The following POLE variants were observed in gnomAD, a reference collection of about 807,000 sequenced individuals.
POLE encodes the protein DNA polymerase epsilon catalytic subunit A.
In POLE, 188 loss-of-function variants were observed where a neutral mutation model predicts 279.2. The ratio of observed to expected loss-of-function variants is 0.67; its 90% confidence interval spans 0.60 to 0.76. The LOEUF is 0.76. Ranked by LOEUF, POLE falls within the 30% of genes least tolerant of loss-of-function variation. POLE has a pLI of 0.00. For synonymous variants in POLE, 1,214 were observed against 1,172.5 expected (o/e 1.04, Z -0.72); for missense variants, 2,703 against 3,016.7 (o/e 0.90, Z 2.44).
chr12:132,666,473 T>C (rs2135965368), intron 20 of POLE, among the ~76,000 whole-genome samples: 1 of 152,272 alleles, frequency 6.6e-6, no homozygotes, highest in African/African-American at 2.4e-5. Context: ...TCCCAGGAAC[T>C]GGGGAGGCTG....
At position 132,661,156 on chromosome 12, in the gene POLE, ACAG is replaced by A; in HGVS notation, c.2870_2872del (p.Ala957del). 6.3e-7 allele frequency: 1 copy of A among 1,584,998 alleles called. No individual in the cohort carries two copies. ...AGCCAGAGAACCGTCTTCATTGAAC[ACAG>A]CATACCTGAAAAAAAAAAAAAAGGC... On this transcript the variant is annotated inframe_deletion, in exon 25 of 49. Transcript: ENST00000320574. The surrounding 1 kb of genome is among the most constrained non-coding windows in gnomAD (Gnocchi z 4.1).
rs757148947 is a variant in POLE, at chr12:132,642,282, C to T, written c.5068G>A (p.Ala1690Thr). The change falls in exon 38 of 49, where the codon GCC becomes ACC. Residue 1690 changes from alanine to threonine, a missense_variant. Ala to Thr is a moderately conservative substitution (Grantham distance 58). This residue lies in a region of POLE where 1,551 missense variants were observed against 1,686.1 expected (regional missense o/e 0.92). Coordinates refer to ENST00000320574, the MANE Select transcript of POLE (RefSeq NM_006231.4). The part of the protein sequence containing the change: ...HNHLLWLSPT[A>T]RPDLGGKEAD... The stretch of plus-strand genomic sequence containing the variant: ...TCCTTTCCACCCAGGTCAGGGCGGG[C>T]TGTAGGGGACAGCCAGAGCAGGTGG... The T allele has an allele frequency of 6.2e-7, 1 of 1,608,682 alleles. No homozygotes were observed. Among genetic ancestry groups the T allele is most frequent in the East Asian group, 2.2e-5 (1 of 44,854 alleles).
chr12:132,659,167 T>G, intron 26 of POLE, 128 bp downstream of exon 26: 1 of 938,730 alleles, frequency 1.1e-6, no homozygotes, highest in Non-Finnish European at 1.6e-6. Context: ...ACCCCTTACC[T>G]CTCCGTGACA....
In POLE at chr12:132,677,603, A is replaced by G. The variant is rs748554882; in HGVS notation, c.695T>C (p.Leu232Pro). The change falls in exon 7 of 49, where the codon CTC becomes CCC. Residue 232 changes from leucine (L) to proline (P), a missense_variant. Physicochemically the swap from Leu to Pro is moderately conservative, Grantham distance 98. Transcript: ENST00000320574. ...CACGTGGATCTTCAGGTCAATGGAG[A>G]GGCGGATGTGGTAGGGAACATCGTA... Reference protein sequence around the residue: ...REYDVPYHIRLSIDLKIHVAH... With the variant: ...REYDVPYHIRPSIDLKIHVAH... The G allele has an allele frequency of 2.5e-6, 4 of 1,614,066 alleles. No homozygotes were observed. The highest frequency in any genetic ancestry group is 3.4e-6 in the Non-Finnish European group (4 of 1,180,042).
At chr12:132,635,168 G>A (rs959581616) in intron 42 of POLE, among the ~76,000 whole-genome samples, 4 of 152,036 alleles carry the variant, frequency 2.6e-5, no homozygotes, top group Admixed American at 6.5e-5. Flanking sequence ...GACCACCCAC[G>A]TCTCAACCTT....
At chr12:132,626,945 A>G (rs867211777) in intron 45 of POLE, among the ~76,000 whole-genome samples, 4 of 152,260 alleles carry the variant, frequency 2.6e-5, no homozygotes, top group South Asian at 2.1e-4. Context: ...CAGTGCATAT[A>G]AAAGTTACAT....
rs1555222570 is a variant in POLE at position 132,642,559 on chromosome 12, G to A, written c.4899C>T (p.Ile1633=). 8.1e-6 allele frequency: 13 copies of A among 1,613,616 alleles called. No homozygotes were observed. In the South Asian group the frequency reaches 1.4e-4, roughly 18 times the overall value. Residue 1633 remains isoleucine, a synonymous_variant, in exon 37 of 49, where the codon ATC becomes ATT. Transcript: ENST00000320574. The stretch of plus-strand genomic sequence containing the variant: ...AGGTGTCCAGGTTGAGGTAGTGACG[G>A]ATCATGCGCCGGGCTCCATGGCGCT... The part of the protein sequence containing the change: ...DWQRHGARRM[I]RHYLNLDTCL...
chr12:132,683,235 G>T (rs968595158), intron 1 of POLE, among the ~76,000 whole-genome samples: 3 of 152,098 alleles, frequency 2.0e-5, no homozygotes, highest in Non-Finnish European at 4.4e-5. Flanking sequence ...TTGAGATTCT[G>T]CTTAGCTGGG....
intron 28 of POLE, 36 bp downstream of exon 28, chr12:132,657,313 T>C: frequency 5.0e-6 from 8 of 1,614,062 alleles, no homozygotes; most frequent in Non-Finnish European, 6.8e-6. Context: ...GCACAGTTTT[T>C]AGCCCCACAG....
chr12:132,676,085 C>A lies in POLE; in HGVS notation c.1020+9G>T, dbSNP rs2043044180. On this transcript the variant is annotated intron_variant, in intron 10 of 48. Coordinates refer to ENST00000320574, the MANE Select transcript of POLE (RefSeq NM_006231.4). ...ATACCGGGTAGTTTCCCAAGTGATA[C>A]CTCCTTACCTCATCGGGTTCATTGA... 2 of 1,565,360 alleles carry A rather than the reference C, an allele frequency of 1.3e-6. No homozygotes were observed. The highest frequency in any genetic ancestry group is 1.1e-5 in the South Asian group (1 of 87,862).
intron 45 of POLE, among the ~76,000 whole-genome samples, chr12:132,628,639 C>T (rs1214772111): frequency 6.8e-6 from 1 of 147,964 alleles, no homozygotes; most frequent in East Asian, 2.1e-4. Flanking sequence ...CAAGGAGGCT[C>T]CATCTCAAAA....
chr12:132,677,061 A>G (rs1440532812), intron 8 of POLE, among the ~76,000 whole-genome samples: 2 of 152,244 alleles, frequency 1.3e-5, no homozygotes, highest in African/African-American at 4.8e-5. Flanking sequence ...CCTTCTAGTT[A>G]CAAATCCATT....
rs369732588 is a variant in POLE at position 132,661,167 on chromosome 12, GAAA to G, written c.2865-6_2865-4del. On this transcript the variant is annotated splice_region_variant and splice_polypyrimidine_tract_variant and intron_variant, in intron 24 of 48. Transcript: ENST00000320574. The surrounding 1 kb of genome is among the most constrained non-coding windows in gnomAD (Gnocchi z 4.1). ...CGTCTTCATTGAACACAGCATACCT[GAAA>G]AAAAAAAAAAAGGCAAGCACAGCAG... 318 of 1,373,858 alleles carry G rather than the reference GAAA, an allele frequency of 2.3e-4. No homozygotes were observed. The highest frequency in any genetic ancestry group is 6.2e-4 in the South Asian group (45 of 73,108). The allele number at this position is 1,373,858 out of a possible 1,614,324, so 85.1% of individuals were successfully genotyped here. A position where few individuals can be genotyped will look rare whatever the true frequency, so the allele number is the denominator to read the frequency against.
chr12:132,634,474 C>G lies in POLE; in HGVS notation c.5812-96G>C. 1 of 1,246,166 alleles carries G rather than the reference C, an allele frequency of 8.0e-7. No individual in the cohort carries two copies. Among genetic ancestry groups the G allele is most frequent in the Non-Finnish European group, 1.1e-6 (1 of 877,386 alleles). 77.2% of individuals were successfully genotyped at this position (1,246,166 alleles called of 1,614,324 possible). A position where few individuals can be genotyped will look rare whatever the true frequency, so the allele number is the denominator to read the frequency against. ...GAAGGCTCCTCCAACCTGGGTCCATCTGCCCCGTTTGACCAGAGGCCTTCC... is the reference window on the plus strand; with the variant it reads ...GAAGGCTCCTCCAACCTGGGTCCATGTGCCCCGTTTGACCAGAGGCCTTCC... On this transcript the variant is annotated intron_variant, in intron 42 of 48. Transcript: ENST00000320574. The surrounding 1 kb of genome is among the most constrained non-coding windows in gnomAD (Gnocchi z 4.0).
chr12:132,625,646 A>C lies in POLE; in HGVS notation c.6656T>G (p.Leu2219Arg). 6.2e-7 allele frequency: 1 copy of C among 1,613,464 alleles called. No individual in the cohort carries two copies. The highest frequency in any genetic ancestry group is 1.3e-5 in the African/African-American group (1 of 75,054). The change falls in exon 47 of 49, where the codon CTG becomes CGG. Residue 2219 changes from leucine to arginine, a missense_variant and splice_region_variant. This residue lies in a region of POLE where 1,551 missense variants were observed against 1,686.1 expected (regional missense o/e 0.92). Transcript: ENST00000320574. ...KKLMAFTLQDLVCLKCRGVKE... is the reference protein window; with the variant it reads ...KKLMAFTLQDRVCLKCRGVKE... ...GGGCAGGCGGCATGCACGACTCACCAGGTCCTGCAGGGTGAAGGCCATCAG... is the reference window on the plus strand; with the variant it reads ...GGGCAGGCGGCATGCACGACTCACCCGGTCCTGCAGGGTGAAGGCCATCAG...
At chr12:132,686,736 A>C (rs976543147) in intron 1 of POLE, among the ~76,000 whole-genome samples, 4 of 152,126 alleles carry the variant, frequency 2.6e-5, no homozygotes, top group South Asian at 2.1e-4. Context: ...CTCCCTGCCC[A>C]AAAAAATAAA....
chr12:132,625,500 C>A, intron 47 of POLE, 145 bp downstream of exon 47: 1 of 1,012,786 alleles, frequency 9.9e-7, no homozygotes, highest in South Asian at 1.3e-5. Context: ...CCATCAGGCT[C>A]AGGGCATGGA....
intron 1 of POLE, among the ~76,000 whole-genome samples, chr12:132,685,387 T>C (rs1229746603): frequency 1.3e-5 from 2 of 152,226 alleles, no homozygotes; most frequent in Admixed American, 1.3e-4. Context: ...CCACATATGC[T>C]CTCATTCAGT....
rs147806951 is a variant in POLE, at chr12:132,632,788, G to A, written c.6012C>T (p.Ile2004=). The stretch of plus-strand genomic sequence containing the variant: ...CCTTCATGCAGTGGTACACGGCCAC[G>A]ATGTACGCTGTGGAGAGGCACACAC... ...NYFLMIVSAY[I]VAVYHCMKDG... The change falls in exon 44 of 49, where the codon ATC becomes ATT. Residue 2004 remains isoleucine (I), a synonymous_variant. Coordinates refer to ENST00000320574, the MANE Select transcript of POLE (RefSeq NM_006231.4). The A allele has an allele frequency of 4.9e-5, 79 of 1,606,732 alleles. No individual in the cohort carries two copies. The highest frequency in any genetic ancestry group is 1.6e-4 in the Middle Eastern group (1 of 6,078).
Sources: allele counts gnomAD v4.1 joint callset (sites outside exome capture counted in the v4.1 genomes callset), GRCh38; gene constraint gnomAD v4.1.1; regional missense constraint gnomAD v4.1.1; non-coding constraint Gnocchi (gnomAD v3.1); transcripts MANE v1.5; gene names NCBI Gene and HGNC (gene_info 2026-07-23, HGNC 2026-07-21).